Variants in KCNG4 observed in about 807,000 individuals in gnomAD.
The protein encoded by KCNG4 is voltage-gated potassium channel regulatory subunit KCNG4.
KCNG4 carries 30 observed loss-of-function variants against 28.2 expected under a neutral mutation model. The ratio of observed to expected loss-of-function variants is 1.06; its 90% CI spans 0.80 to 1.44. KCNG4 has a LOEUF of 1.44. KCNG4 is among the 40% of genes most tolerant of loss of function. The probability of loss-of-function intolerance (pLI) is 0.00; values close to 1 mark genes in which losing one functional copy is unlikely to be tolerated. For synonymous variants in KCNG4, 375 were observed against 315.5 expected, an observed-to-expected ratio of 1.19 and a Z score of -2.00; for missense variants, 879 against 712.3, an observed-to-expected ratio of 1.23 and a Z score of -2.66.
At chr16:84,232,251 A>T (rs1296366166) in intron 2 of KCNG4, among the ~76,000 whole-genome samples, 1 of 152,182 alleles carries the variant, frequency 6.6e-6, no homozygotes, top group African/African-American at 2.4e-5. Context: ...TTCGGCCATG[A>T]AGAGGAATGA....
chr16:84,224,249 C>T (rs1254180344), intron 2 of KCNG4, among the ~76,000 whole-genome samples: 1 of 152,092 alleles, frequency 6.6e-6, no homozygotes, highest in Non-Finnish European at 1.5e-5. Context: ...TTGGAATCAC[C>T]TGGGGGTTCC....
Position 84,221,894 on chromosome 16 carries a change from C to G in KCNG4, c.*323G>C, listed in dbSNP as rs1904570832. The G allele has an allele frequency of 8.7e-6, 3 of 345,020 alleles. No homozygotes were observed. In the Admixed American group the frequency reaches 1.4e-4, roughly 16 times the overall value. 21.4% of individuals were successfully genotyped at this position (345,020 alleles called of 1,614,324 possible). A position where few individuals can be genotyped will look rare whatever the true frequency, so the allele number is the denominator to read the frequency against. The stretch of plus-strand genomic sequence containing the variant: ...TTACCAGTTCTATGGGCATCCAGAA[C>G]CCAGCCTGGGATGTTAAAGCCTCTG... On this transcript the variant is annotated 3_prime_UTR_variant, in exon 3 of 3. Transcript: ENST00000308251.
intron 2 of KCNG4, among the ~76,000 whole-genome samples, chr16:84,233,123 CT>C (rs1409037246): frequency 6.6e-6 from 1 of 152,108 alleles, no homozygotes; most frequent in African/African-American, 2.4e-5. Context: ...CGCTGAGCAC[CT>C]CCGTGTTTCG....
rs758544083 is a variant in KCNG4 at position 84,222,206 on chromosome 16, G to C, written c.*11C>G. 2 of 1,613,164 alleles carry C rather than the reference G, an allele frequency of 1.2e-6. No individual in the cohort carries two copies. Among genetic ancestry groups the C allele is most frequent in the Admixed American group, 1.7e-5 (1 of 59,918 alleles). On this transcript the variant is annotated 3_prime_UTR_variant, in exon 3 of 3. Coordinates refer to ENST00000308251, the MANE Select transcript of KCNG4 (RefSeq NM_172347.3). ...GGTTGAGGTTACCATGTAGTCATGG[G>C]GGGTGCTGAGTTACATGTGCATGAT...
chr16:84,225,555 G>A (rs941769909), intron 2 of KCNG4, among the ~76,000 whole-genome samples: 13 of 152,238 alleles, frequency 8.5e-5, no homozygotes, highest in African/African-American at 2.9e-4. Flanking sequence ...CAGACTCTGA[G>A]CTAGATTCTG....
chr16:84,237,190 T>G lies in KCNG4; in HGVS notation c.296A>C (p.Gln99Pro), dbSNP rs1393509713. The G allele has an allele frequency of 1.2e-6, 2 of 1,614,166 alleles. No homozygotes were observed. The highest frequency in any genetic ancestry group is 1.7e-6 in the Non-Finnish European group (2 of 1,180,038). ...RLCRSYEEIV[Q>P]LCDDYDEDSQ... ...GTCCTCGTCGTAATCATCGCAGAGC[T>G]GCACGATCTCCTCGTAGCTCCGACA... The change falls in exon 2 of 3, where the codon CAG becomes CCG. Residue 99 changes from glutamine (Q) to proline (P), a missense_variant. Coordinates refer to ENST00000308251, the MANE Select transcript of KCNG4 (RefSeq NM_172347.3).
chr16:84,226,225 G>A lies in KCNG4; in HGVS notation c.757-3205C>T, dbSNP rs886544781. Among the ~76,000 whole-genome samples the A allele has an allele frequency of 8.5e-5, 13 of 152,146 alleles. No homozygotes were observed. The highest frequency in any genetic ancestry group is 3.1e-4 in the African/African-American group (13 of 41,430). The stretch of plus-strand genomic sequence containing the variant: ...AGGGTGTGAATGGTGAAACAACACC[G>A]ATGAATCCCACAGGCATGATGTGGA... On this transcript the variant is annotated intron_variant, in intron 2 of 2. Transcript: ENST00000308251. The surrounding 1 kb of genome is among the most constrained non-coding windows in gnomAD (Gnocchi z 4.1).
rs913005828 is a variant in KCNG4 at position 84,226,142 on chromosome 16, G to A, written c.757-3122C>T. On this transcript the variant is annotated intron_variant, in intron 2 of 2. Transcript: ENST00000308251. This position sits in a 1 kb window ranked among gnomAD's most constrained non-coding sequence, Gnocchi z 4.1. ...TAGCCCTTGCCACAGGCAGAGCGAGGTGTGTTCTGGCTCCTTCCTGCAATG... is the reference window on the plus strand; with the variant it reads ...TAGCCCTTGCCACAGGCAGAGCGAGATGTGTTCTGGCTCCTTCCTGCAATG... 1.2e-4 allele frequency among the ~76,000 whole-genome samples: 19 copies of A among 152,218 alleles called. No individual in the cohort carries two copies. Among genetic ancestry groups the A allele is most frequent in the Non-Finnish European group, 2.4e-4 (16 of 68,048 alleles).
intron 2 of KCNG4, 106 bp from the exon 3 acceptor site, chr16:84,223,126 C>T (rs7197070): frequency 0.21 from 192,625 of 906,028 alleles, 21,991 homozygotes; most frequent in Non-Finnish European, 0.23. Flanking sequence ...TAAACTTAGT[C>T]GTCCACCAGA....
intron 2 of KCNG4, 28 bp from the exon 3 acceptor site, chr16:84,223,048 G>A: frequency 2.7e-6 from 4 of 1,493,480 alleles, no homozygotes; most frequent in South Asian, 1.4e-5. Flanking sequence ...AACAACGCGG[G>A]GTAGAGAGTG....
In KCNG4 at chr16:84,222,466, G is replaced by A. The variant is rs1904589932; in HGVS notation, c.1311C>T (p.Ser437=). Residue 437 remains serine (S), a synonymous_variant, in exon 3 of 3, where the codon AGC becomes AGT. Transcript: ENST00000308251. ...TGATGAGGATCCCGCTCAGGATGCTGCTGAGGGCCACCATCTGGCCTGGCA... is the reference window on the plus strand; with the variant it reads ...TGATGAGGATCCCGCTCAGGATGCTACTGAGGGCCACCATCTGGCCTGGCA... ...RSVPGQMVAL[S]SILSGILIMA... 1 of 1,613,920 alleles carries A rather than the reference G, an allele frequency of 6.2e-7. No individual in the cohort carries two copies. The highest frequency in any genetic ancestry group is 1.3e-5 in the African/African-American group (1 of 74,938).
At position 84,222,684 on chromosome 16, in the gene KCNG4, G is replaced by A. The variant is rs369952898; in HGVS notation, c.1093C>T (p.Arg365Cys). Residue 365 changes from arginine to cysteine, a missense_variant, in exon 3 of 3, where the codon CGC becomes TGC. By Grantham distance (180) the Arg-to-Cys change is radical. Transcript: ENST00000308251. ...LGLQTLGLTV[R>C]RCTREFGLLL... is the part of the protein sequence containing the mutation. ...AGGCCGAACTCACGTGTGCAACGGC[G>A]CACGGTGAGCCCCAGCGTCTGCAGC... The A allele has an allele frequency of 5.6e-5, 91 of 1,612,852 alleles. No individual in the cohort carries two copies. Among genetic ancestry groups the A allele is most frequent in the South Asian group, 4.4e-4 (40 of 91,020 alleles).
rs370754844 is a variant in KCNG4, at chr16:84,223,033, G to T, written c.757-13C>A. On this transcript the variant is annotated splice_polypyrimidine_tract_variant and intron_variant, in intron 2 of 2. Transcript: ENST00000308251. ...GAGAGCATTCGCCCTGCGGGGAGAA[G>T]AGGCAACAACGCGGGGTAGAGAGTG... 3 of 1,515,994 alleles carry T rather than the reference G, an allele frequency of 2.0e-6. No homozygotes were observed. The African/African-American group carries it at 4.2e-5, about 21-fold the overall frequency. 93.9% of individuals were successfully genotyped at this position (1,515,994 alleles called of 1,614,324 possible).
chr16:84,234,826 A>G (rs1904908712), intron 2 of KCNG4, among the ~76,000 whole-genome samples: 1 of 152,196 alleles, frequency 6.6e-6, no homozygotes, highest in African/African-American at 2.4e-5. Context: ...GGAAGAGGAC[A>G]TCATCCTTTT....
At chr16:84,235,165 T>C (rs1904917855) in intron 2 of KCNG4, among the ~76,000 whole-genome samples, 1 of 152,140 alleles carries the variant, frequency 6.6e-6, no homozygotes, top group Admixed American at 6.6e-5. Context: ...GTTCATACCC[T>C]GCGTAATTTT....
chr16:84,237,597 A>C, intron 1 of KCNG4, 72 bp from the exon 2 acceptor site: 31 of 1,046,904 alleles, frequency 3.0e-5, no homozygotes, highest in Non-Finnish European at 3.6e-5. Flanking sequence ...CCTGGATGTC[A>C]CGACTGCAGA....
intron 2 of KCNG4, among the ~76,000 whole-genome samples, chr16:84,228,544 A>C (rs1431648129): frequency 6.6e-6 from 1 of 150,512 alleles, no homozygotes; most frequent in African/African-American, 2.5e-5. Flanking sequence ...CTCCGCTCCC[A>C]TGGGCCTCCC....
chr16:84,239,299 G>C (rs1295921854), intron 1 of KCNG4, among the ~76,000 whole-genome samples: 1 of 152,240 alleles, frequency 6.6e-6, no homozygotes, highest in African/African-American at 2.4e-5. Flanking sequence ...AGCCTGCAGA[G>C]AGAAGAGTAT....
intron 2 of KCNG4, among the ~76,000 whole-genome samples, chr16:84,229,908 A>G (rs977790221): frequency 2.0e-5 from 3 of 152,264 alleles, no homozygotes; most frequent in African/African-American, 7.2e-5. Flanking sequence ...GCCACCAAGC[A>G]CAGAGAAGCT....
Sources: allele counts gnomAD v4.1 joint callset (sites outside exome capture counted in the v4.1 genomes callset), GRCh38; gene constraint gnomAD v4.1.1; non-coding constraint Gnocchi (gnomAD v3.1); transcripts MANE v1.5; gene names NCBI Gene and HGNC (gene_info 2026-07-23, HGNC 2026-07-21).